DGKB: variants seen among roughly 807,000 people sequenced by gnomAD.
The protein encoded by DGKB is diacylglycerol kinase beta.
Under a neutral mutation model 114.3 loss-of-function variants are expected in DGKB, and 67 were observed. The observed-to-expected ratio is 0.59, with a 90% confidence interval of 0.48 to 0.72. The LOEUF (loss-of-function observed/expected upper bound fraction) is 0.72. Among genes scored for constraint, DGKB ranks in the 30% least tolerant of loss-of-function variants. The pLI is 0.00. For synonymous variants in DGKB, 398 were observed against 323.1 expected, an observed-to-expected ratio of 1.23 and a Z score of -2.49; for missense variants, 907 against 975.2, an observed-to-expected ratio of 0.93 and a Z score of 0.93.
At chr7:14,495,082 T>C (rs1176796926) in intron 20 of DGKB, among the ~76,000 whole-genome samples, 1 of 151,868 alleles carries the variant, frequency 6.6e-6, no homozygotes, top group Non-Finnish European at 1.5e-5. Flanking sequence ...TATATTCCTA[T>C]TGTATTTCAA....
At chr7:14,579,955 A>C (rs148137831) in intron 19 of DGKB, among the ~76,000 whole-genome samples, 1 of 152,284 alleles carries the variant, frequency 6.6e-6, no homozygotes, top group Admixed American at 6.5e-5. Context: ...TGCTAAAAAT[A>C]TTTAGCATTC....
intron 21 of DGKB, among the ~76,000 whole-genome samples, chr7:14,436,510 G>T (rs563046834): frequency 1.2e-4 from 19 of 152,024 alleles, no homozygotes; most frequent in African/African-American, 3.9e-4. Context: ...ATTTATTTTG[G>T]TATGCTGTCC....
intron 1 of DGKB, among the ~76,000 whole-genome samples, chr7:14,911,661 T>G (rs1164322660): frequency 3.9e-5 from 6 of 152,124 alleles, no homozygotes; most frequent in Admixed American, 6.6e-5. Context: ...CAAATCTATA[T>G]CACCTGAGAA....
intron 23 of DGKB, among the ~76,000 whole-genome samples, chr7:14,200,607 C>T (rs987536462): frequency 1.3e-5 from 2 of 151,956 alleles, no homozygotes; most frequent in Non-Finnish European, 2.9e-5. Context: ...CATATGATTT[C>T]TTTGCCCATT....
At chr7:14,786,681 T>C (rs1245439509) in intron 2 of DGKB, among the ~76,000 whole-genome samples, 1 of 152,220 alleles carries the variant, frequency 6.6e-6, no homozygotes, top group Non-Finnish European at 1.5e-5. Flanking sequence ...AGCAAAGTTG[T>C]GGCTGAGCCT....
chr7:14,971,067 T>C (rs1389604222), intron 1 of DGKB, among the ~76,000 whole-genome samples: 1 of 152,166 alleles, frequency 6.6e-6, no homozygotes, highest in African/African-American at 2.4e-5. Flanking sequence ...TGTGTCACAA[T>C]GAAAACAGAA....
chr7:14,352,651 T>C (rs1813695696), intron 21 of DGKB, among the ~76,000 whole-genome samples: 1 of 152,142 alleles, frequency 6.6e-6, no homozygotes, highest in Non-Finnish European at 1.5e-5. Flanking sequence ...TCTTTACTAT[T>C]ATTGGCTCAC....
At chr7:14,284,045 A>G (rs1455473034) in intron 23 of DGKB, among the ~76,000 whole-genome samples, 1 of 152,218 alleles carries the variant, frequency 6.6e-6, no homozygotes, top group Non-Finnish European at 1.5e-5. Context: ...GCTTCTGCAC[A>G]GCAAAAGAAA....
chr7:14,852,493 A>AAAAAAAACAAAAAAAAAAAC lies in DGKB; in HGVS notation c.-187-11044_-187-11043insGTTTTTTTTTTTGTTTTTTT, dbSNP rs1475541455. On this transcript the variant is annotated intron_variant, in intron 1 of 25. Transcript: ENST00000402815. ...TAGCTAAAATAGTGAAAGTCAAAAA[A>AAAAAAAACAAAAAAAAAAAC]AAAACAGAAATCAAGCATAGTACAC... 1.9e-3 allele frequency among the ~76,000 whole-genome samples: 276 copies of AAAAAAAACAAAAAAAAAAAC among 146,704 alleles called. 13 individuals carry two copies. The highest frequency in any genetic ancestry group is 3.1e-3 in the Non-Finnish European group (202 of 65,174).
chr7:14,670,079 G>C (rs185949361), intron 13 of DGKB, among the ~76,000 whole-genome samples: 1 of 151,862 alleles, frequency 6.6e-6, no homozygotes, highest in Non-Finnish European at 1.5e-5. Flanking sequence ...ATGAATAAAG[G>C]CCTATTTGAT....
At chr7:14,169,861 G>A (rs192898651) in intron 25 of DGKB, among the ~76,000 whole-genome samples, 89 of 152,150 alleles carry the variant, frequency 5.8e-4, no homozygotes, top group African/African-American at 2.0e-3. Flanking sequence ...GCAGCCAGGT[G>A]CCATGGCTCA....
chr7:14,926,146 C>T (rs1167906503), intron 1 of DGKB, among the ~76,000 whole-genome samples: 5 of 151,910 alleles, frequency 3.3e-5, no homozygotes, highest in Non-Finnish European at 7.4e-5. Context: ...TTAATATAAT[C>T]ATGATTTTTC....
chr7:14,623,986 T>C (rs1169643157), intron 14 of DGKB, among the ~76,000 whole-genome samples: 1 of 152,144 alleles, frequency 6.6e-6, no homozygotes, highest in African/African-American at 2.4e-5. Context: ...ATAAAATGTA[T>C]AGTCTGTAAT....
At chr7:14,702,620 A>G (rs1003644624) in intron 6 of DGKB, among the ~76,000 whole-genome samples, 2 of 152,132 alleles carry the variant, frequency 1.3e-5, no homozygotes, top group African/African-American at 2.4e-5. Context: ...AATAGAGAAG[A>G]CAGACACAGC....
chr7:14,499,453 G>T (rs538578407), intron 20 of DGKB, among the ~76,000 whole-genome samples: 1 of 151,710 alleles, frequency 6.6e-6, no homozygotes, highest in South Asian at 2.1e-4. Flanking sequence ...AAACATTATT[G>T]GCTATCACCC....
chr7:14,394,548 A>T (rs1821929692), intron 21 of DGKB, among the ~76,000 whole-genome samples: 1 of 152,160 alleles, frequency 6.6e-6, no homozygotes, highest in Non-Finnish European at 1.5e-5. Flanking sequence ...AAATTCATCA[A>T]GGGATCCAGT....
chr7:14,391,169 T>C (rs183056156), intron 21 of DGKB, among the ~76,000 whole-genome samples: 33 of 152,330 alleles, frequency 2.2e-4, no homozygotes, highest in African/African-American at 7.9e-4. Flanking sequence ...CACATTAAAT[T>C]CACTTTTAAG....
chr7:14,717,644 T>C lies in DGKB; in HGVS notation c.466+898A>G, dbSNP rs1828427033. 2.0e-5 allele frequency among the ~76,000 whole-genome samples: 3 copies of C among 152,098 alleles called. No homozygotes were observed. In the South Asian group the frequency reaches 6.2e-4, roughly 32 times the overall value. On this transcript the variant is annotated intron_variant, in intron 6 of 25. Transcript: ENST00000402815. ...TTTAACTAAAAATGCCCCCCAATAATAATTCTGAGACGTCATGATTATTTA... is the reference window on the plus strand; with the variant it reads ...TTTAACTAAAAATGCCCCCCAATAACAATTCTGAGACGTCATGATTATTTA...
At chr7:14,571,921 C>G (rs1475022633) in intron 20 of DGKB, among the ~76,000 whole-genome samples, 1 of 151,892 alleles carries the variant, frequency 6.6e-6, no homozygotes, top group African/African-American at 2.4e-5. Context: ...AACATAGGAA[C>G]AATGATAACC....
Sources: gnomAD v4.1 joint callset for allele counts (sites outside exome capture counted in the v4.1 genomes callset) on GRCh38, gnomAD v4.1.1 for gene constraint, MANE v1.5 for transcripts, NCBI Gene and HGNC (gene_info 2026-07-23, HGNC 2026-07-21) for gene names.